SOX6: variants seen among roughly 807,000 people sequenced by gnomAD.
SOX6 encodes SRY-box transcription factor 6.
In SOX6, 11 loss-of-function variants were observed where a neutral mutation model predicts 97.8. The observed-to-expected ratio is 0.11, with a 90% CI of 0.07 to 0.19. SOX6 has a LOEUF of 0.19. Among genes scored for constraint, SOX6 ranks in the 10% least tolerant of loss-of-function variants. The pLI, the probability that SOX6 is intolerant of heterozygous loss-of-function variation, is 1.00. For synonymous variants in SOX6, 360 were observed against 371.4 expected, an observed-to-expected ratio of 0.97 and a Z score of 0.35; for missense variants, 810 against 1,039.5, an observed-to-expected ratio of 0.78 and a Z score of 3.04.
intron 3 of SOX6, among the ~76,000 whole-genome samples, chr11:16,275,546 AATT>A (rs1854376257): frequency 6.6e-6 from 1 of 152,226 alleles, no homozygotes; most frequent in Non-Finnish European, 1.5e-5. Context: ...TCTTATTGTG[AATT>A]ATTTTAATCG....
At chr11:16,145,270 T>A (rs560961850) in intron 6 of SOX6, among the ~76,000 whole-genome samples, 16 of 152,316 alleles carry the variant, frequency 1.1e-4, no homozygotes, top group Admixed American at 2.0e-4. Flanking sequence ...TCTCAATAGA[T>A]GCAGAAAAGG....
intron 4 of SOX6, among the ~76,000 whole-genome samples, chr11:16,533,394 G>T (rs986860852): frequency 1.3e-5 from 2 of 151,746 alleles, no homozygotes; most frequent in African/African-American, 2.4e-5. Context: ...AGAGTATTAA[G>T]ATCAAAAAAA....
intron 3 of SOX6, among the ~76,000 whole-genome samples, chr11:16,615,369 T>G (rs1356993101): frequency 1.3e-5 from 2 of 152,200 alleles, no homozygotes; most frequent in Non-Finnish European, 2.9e-5. Context: ...GCAGTTCATT[T>G]TATCTTAAAT....
intron 2 of SOX6, among the ~76,000 whole-genome samples, chr11:16,718,370 T>C (rs78391585): frequency 0.011 from 1,746 of 152,310 alleles, 26 homozygotes; most frequent in African/African-American, 0.04. Context: ...GAATTTCTTC[T>C]TTATTTGGTG....
chr11:16,213,248 A>G (rs1852276592), intron 4 of SOX6, among the ~76,000 whole-genome samples: 1 of 152,068 alleles, frequency 6.6e-6, no homozygotes, highest in Admixed American at 6.6e-5. Context: ...ACTAGATACA[A>G]AATTATAAAT....
intron 3 of SOX6, chr11:16,316,809 AT>A (rs2134299053): frequency 6.6e-6 from 1 of 152,198 alleles, no homozygotes; most frequent in East Asian, 1.9e-4. Context: ...GGCAATCCCC[AT>A]TATTCAGAAC....
intron 1 of SOX6, among the ~76,000 whole-genome samples, chr11:16,396,733 A>G (rs1858370115): frequency 6.6e-6 from 1 of 151,598 alleles, no homozygotes; most frequent in African/African-American, 2.4e-5. Context: ...ATATGAAGTA[A>G]TTTATGCAAA....
chr11:16,253,666 T>A (rs1330686390), intron 3 of SOX6, among the ~76,000 whole-genome samples: 1 of 150,516 alleles, frequency 6.6e-6, no homozygotes, highest in African/African-American at 2.4e-5. Context: ...TCAACAGAAA[T>A]CTCCAAAGGA....
intron 9 of SOX6, among the ~76,000 whole-genome samples, chr11:16,085,674 T>G (rs557898905): frequency 2.0e-5 from 3 of 152,282 alleles, no homozygotes; most frequent in Non-Finnish European, 4.4e-5. Flanking sequence ...GAGAGCAACA[T>G]AGCATTCTTA....
intron 3 of SOX6, among the ~76,000 whole-genome samples, chr11:16,704,935 A>G (rs1302000854): frequency 6.6e-6 from 1 of 152,212 alleles, no homozygotes. Context: ...AGGAAAAAAT[A>G]TATATTTGTC....
At chr11:16,404,406 T>C (rs1858638470) in intron 1 of SOX6, among the ~76,000 whole-genome samples, 1 of 151,884 alleles carries the variant, frequency 6.6e-6, no homozygotes, top group African/African-American at 2.4e-5. Context: ...GAAGAGTTTC[T>C]GTGTATCAAT....
chr11:16,333,032 T>C (rs750778340), intron 2 of SOX6, among the ~76,000 whole-genome samples: 1 of 152,136 alleles, frequency 6.6e-6, no homozygotes, highest in Non-Finnish European at 1.5e-5. Context: ...TTCATGCAGG[T>C]GGTTTGACTG....
intron 1 of SOX6, among the ~76,000 whole-genome samples, chr11:16,379,821 T>C (rs1857757192): frequency 6.6e-6 from 1 of 152,050 alleles, no homozygotes; most frequent in Non-Finnish European, 1.5e-5. Flanking sequence ...TTAATAATAA[T>C]GGAGAATCAA....
intron 1 of SOX6, among the ~76,000 whole-genome samples, chr11:16,737,602 C>G (rs1454967893): frequency 6.6e-6 from 1 of 152,074 alleles, no homozygotes; most frequent in Admixed American, 6.5e-5. Flanking sequence ...AAGTTAAGTT[C>G]AGACCTGGTT....
At chr11:16,565,988 C>T (rs947023419) in intron 4 of SOX6, among the ~76,000 whole-genome samples, 2 of 151,058 alleles carry the variant, frequency 1.3e-5, no homozygotes, top group South Asian at 2.1e-4. Context: ...CCCAGCTACT[C>T]GAGAGGCTGA....
At chr11:16,293,056 G>GA (rs1359090637) in intron 3 of SOX6, among the ~76,000 whole-genome samples, 2 of 152,008 alleles carry the variant, frequency 1.3e-5, no homozygotes, top group Admixed American at 1.3e-4. Flanking sequence ...GCACAAAGGA[G>GA]AAAAAAATCT....
chr11:16,455,713 T>C (rs951541133), intron 1 of SOX6, among the ~76,000 whole-genome samples: 1 of 152,108 alleles, frequency 6.6e-6, no homozygotes, highest in African/African-American at 2.4e-5. Context: ...TTAATAGGAA[T>C]TGTGTCATTC....
intron 4 of SOX6, among the ~76,000 whole-genome samples, chr11:16,541,321 T>A (rs1861404719): frequency 1.3e-5 from 2 of 151,922 alleles, no homozygotes; most frequent in South Asian, 4.1e-4. Flanking sequence ...AAAAATTAAC[T>A]CAAGATGGAT....
intron 4 of SOX6, among the ~76,000 whole-genome samples, chr11:16,510,945 A>G (rs1030800895): frequency 2.6e-5 from 4 of 152,102 alleles, no homozygotes; most frequent in African/African-American, 9.6e-5. Context: ...TAAAACCCCC[A>G]ACATTTTTTA....
Sources: allele counts gnomAD v4.1 joint callset (sites outside exome capture counted in the v4.1 genomes callset), GRCh38; gene constraint gnomAD v4.1.1; transcripts MANE v1.5; gene names NCBI Gene and HGNC (gene_info 2026-07-23, HGNC 2026-07-21).